ABCA12: variants seen among roughly 807,000 people sequenced by gnomAD.
ABCA12 encodes the protein glucosylceramide transporter ABCA12.
Under a neutral mutation model 293.5 loss-of-function variants are expected in ABCA12, and 156 were observed. The observed-to-expected ratio is 0.53, with a 90% CI of 0.47 to 0.61. ABCA12 has a LOEUF of 0.61. ABCA12 is among the 20% of genes least tolerant of loss of function. The probability of loss-of-function intolerance (pLI) is 0.00; values close to 1 mark genes in which losing one functional copy is unlikely to be tolerated. For synonymous variants in ABCA12, 1,063 were observed against 1,108.0 expected (o/e 0.96, Z 0.81); for missense variants, 2,797 against 3,090.2 (o/e 0.91, Z 2.25).
In ABCA12 at chr2:215,123,449, G is replaced by A. The variant is rs1030616886; in HGVS notation, c.70-11759C>T. On this transcript the variant is annotated intron_variant, in intron 1 of 52. Coordinates refer to ENST00000272895, the MANE Select transcript of ABCA12 (RefSeq NM_173076.3). ...GCCTCCCACAGTGCTGGGATTACAG[G>A]TGTGAGCCACTGCACCTGGCGTCCC... 4.6e-5 allele frequency among the ~76,000 whole-genome samples: 7 copies of A among 152,148 alleles called. 1 individual carries two copies. The highest frequency in any genetic ancestry group is 1.7e-4 in the African/African-American group (7 of 41,426).
intron 10 of ABCA12, among the ~76,000 whole-genome samples, chr2:215,026,239 A>T (rs752276846): frequency 3.3e-5 from 5 of 152,234 alleles, no homozygotes; most frequent in Non-Finnish European, 5.9e-5. Flanking sequence ...GGTGTAGGAA[A>T]AAAGAATGTG....
chr2:214,945,177 C>T, intron 48 of ABCA12, 73 bp from the exon 49 acceptor site: 1 of 1,166,676 alleles, frequency 8.6e-7, no homozygotes, highest in Non-Finnish European at 1.3e-6. Context: ...TGAATTACTG[C>T]ATTTCACTTC....
At chr2:215,107,089 CTT>C (rs1355828051) in intron 2 of ABCA12, among the ~76,000 whole-genome samples, 1 of 152,046 alleles carries the variant, frequency 6.6e-6, no homozygotes, top group Non-Finnish European at 1.5e-5. Context: ...TTTTCATAAA[CTT>C]CACAAAAGTG....
Position 215,117,174 on chromosome 2 carries a change from GA to G in ABCA12, c.70-5485del, listed in dbSNP as rs143474481. ...AATTTGTTTTAAAATAAAAAGTTTA[GA>G]AATTATTTAAAAGATTTCTGCATTC... On this transcript the variant is annotated intron_variant, in intron 1 of 52. Coordinates refer to ENST00000272895, the MANE Select transcript of ABCA12 (RefSeq NM_173076.3). 5.3e-3 allele frequency among the ~76,000 whole-genome samples: 804 copies of G among 152,288 alleles called. 4 individuals are homozygous for G. The highest frequency in any genetic ancestry group is 0.018 in the African/African-American group (762 of 41,562).
chr2:214,994,342 A>C (rs1036911848), intron 23 of ABCA12, among the ~76,000 whole-genome samples: 4 of 152,304 alleles, frequency 2.6e-5, no homozygotes, highest in African/African-American at 9.6e-5. Context: ...AGAGCAATTC[A>C]TCAATATCTG....
At chr2:215,033,552 T>C (rs1700924234) in intron 8 of ABCA12, among the ~76,000 whole-genome samples, 1 of 152,194 alleles carries the variant, frequency 6.6e-6, no homozygotes, top group Non-Finnish European at 1.5e-5. Context: ...AGAGAAATAC[T>C]ATACTAAACA....
intron 15 of ABCA12, among the ~76,000 whole-genome samples, chr2:215,014,363 A>G (rs1700443523): frequency 6.6e-6 from 1 of 152,156 alleles, no homozygotes; most frequent in Non-Finnish European, 1.5e-5. Flanking sequence ...GTCAAAAAAA[A>G]AAATAGCCTT....
chr2:214,965,207 C>T (rs1699225022), intron 39 of ABCA12, among the ~76,000 whole-genome samples: 1 of 152,126 alleles, frequency 6.6e-6, no homozygotes. Flanking sequence ...CCCTTTCTTA[C>T]ACCATATTCA....
intron 21 of ABCA12, 42 bp from the exon 22 acceptor site, chr2:215,001,062 G>T: frequency 1.3e-6 from 2 of 1,590,552 alleles, no homozygotes. Context: ...GTTATTTTAT[G>T]GTTGACGTTA....
chr2:215,012,778 T>G (rs1013385744), intron 15 of ABCA12, among the ~76,000 whole-genome samples: 10 of 152,184 alleles, frequency 6.6e-5, no homozygotes, highest in Non-Finnish European at 1.2e-4. Flanking sequence ...AATGAGTGAT[T>G]TTTATGGTAT....
chr2:214,986,740 T>C lies in ABCA12; in HGVS notation c.3977-12A>G. 1 of 1,613,586 alleles carries C rather than the reference T, an allele frequency of 6.2e-7. No individual in the cohort carries two copies. The highest frequency in any genetic ancestry group is 8.5e-7 in the Non-Finnish European group (1 of 1,179,546). ...CATGTATTCAGGACCTGGAGAGAAA[T>C]CAAGGGAAGAGTTGTAAACTCACAA... On this transcript the variant is annotated splice_polypyrimidine_tract_variant and intron_variant, in intron 27 of 52. Transcript: ENST00000272895.
At chr2:214,987,501 T>C in intron 27 of ABCA12, 146 bp downstream of exon 27, 1 of 1,082,818 alleles carries the variant, frequency 9.2e-7, no homozygotes. Context: ...CCCATAAGAG[T>C]CCAAAGACGC....
At chr2:214,955,053 C>T in intron 43 of ABCA12, 149 bp downstream of exon 43, 1 of 1,001,736 alleles carries the variant, frequency 1.0e-6, no homozygotes, top group South Asian at 1.6e-5. Flanking sequence ...TAGATGAGGC[C>T]CAAAAAGAAT....
Position 215,022,198 on chromosome 2 carries a change from T to C in ABCA12, c.1288-2402A>G, listed in dbSNP as rs558063361. 2.0e-5 allele frequency: 3 copies of C among 152,338 alleles called. No individual in the cohort carries two copies. The East Asian group carries it at 5.8e-4, about 29-fold the overall frequency. The allele number at this position is 152,338 out of a possible 1,614,324, so 9.4% of individuals were successfully genotyped here. A position where few individuals can be genotyped will look rare whatever the true frequency, so the allele number is the denominator to read the frequency against. On this transcript the variant is annotated intron_variant, in intron 11 of 52. Coordinates refer to ENST00000272895, the MANE Select transcript of ABCA12 (RefSeq NM_173076.3). ...ATTTGAATGACTTTTACCCAGTAGA[T>C]ACTGAAATATGTTTTTTAATTATAA...
chr2:215,137,749 C>T lies in ABCA12; in HGVS notation c.69+391G>A, dbSNP rs1315619844. On this transcript the variant is annotated intron_variant, in intron 1 of 52. Transcript: ENST00000272895. Reference sequence around the variant, plus strand: ...TGGCTTTCAGTTTTCCAGTATATTTCTTCCCATTTATTGTACATTTCAAAT... The same window carrying T: ...TGGCTTTCAGTTTTCCAGTATATTTTTTCCCATTTATTGTACATTTCAAAT... 4.6e-5 allele frequency among the ~76,000 whole-genome samples: 7 copies of T among 152,214 alleles called. No homozygotes were observed. In the East Asian group the frequency reaches 7.7e-4, roughly 17 times the overall value.
In ABCA12 at chr2:215,115,278, G is replaced by A. The variant is rs186402187; in HGVS notation, c.70-3588C>T. Among the ~76,000 whole-genome samples the A allele has an allele frequency of 1.2e-3, 180 of 152,198 alleles. 2 individuals are homozygous for A. Among genetic ancestry groups the A allele is most frequent in the African/African-American group, 4.0e-3 (167 of 41,536 alleles). On this transcript the variant is annotated intron_variant, in intron 1 of 52. Coordinates refer to ENST00000272895, the MANE Select transcript of ABCA12 (RefSeq NM_173076.3). ...AAAGCCCTCTACACTATGGTCTCAC[G>A]AATATTAAGGTTGACAGGTTAATCA...
At chr2:215,054,355 T>C (rs1239637675) in intron 4 of ABCA12, among the ~76,000 whole-genome samples, 1 of 152,122 alleles carries the variant, frequency 6.6e-6, no homozygotes, top group Non-Finnish European at 1.5e-5. Flanking sequence ...TTTGCTCCTA[T>C]GGAGTATTTC....
intron 28 of ABCA12, among the ~76,000 whole-genome samples, chr2:214,985,530 G>T (rs1699766176): frequency 1.3e-5 from 2 of 152,006 alleles, no homozygotes; most frequent in South Asian, 4.2e-4. Context: ...TAACAAACCT[G>T]CACTTGTGCC....
intron 1 of ABCA12, among the ~76,000 whole-genome samples, chr2:215,123,856 T>C (rs1310411579): frequency 6.6e-6 from 1 of 152,318 alleles, no homozygotes; most frequent in South Asian, 2.1e-4. Flanking sequence ...TGTGAGATTT[T>C]GGTGCACCCA....
Sources: allele counts gnomAD v4.1 joint callset (sites outside exome capture counted in the v4.1 genomes callset), GRCh38; gene constraint gnomAD v4.1.1; transcripts MANE v1.5; gene names NCBI Gene and HGNC (gene_info 2026-07-23, HGNC 2026-07-21).